GTF3C2: variants seen among roughly 807,000 people sequenced by gnomAD.
GTF3C2 encodes the protein general transcription factor 3C polypeptide 2.
In GTF3C2, 17 loss-of-function variants were observed where a neutral mutation model predicts 117.4. The observed-to-expected ratio is 0.14, with a 90% confidence interval of 0.10 to 0.22. GTF3C2 has a LOEUF of 0.22. GTF3C2 is among the 10% of genes least tolerant of loss of function. GTF3C2 has a pLI of 1.00. For synonymous variants in GTF3C2, 437 were observed against 427.0 expected, an observed-to-expected ratio of 1.02 and a Z score of -0.29; for missense variants, 888 against 1,143.6, an observed-to-expected ratio of 0.78 and a Z score of 3.22.
At chr2:27,328,250 A>C (rs1680155345) in intron 16 of GTF3C2, 61 bp from the exon 17 acceptor site, 2 of 1,390,936 alleles carry the variant, frequency 1.4e-6, no homozygotes, top group Non-Finnish European at 2.0e-6. Context: ...AAGCAGAGGA[A>C]AGTGGTTTGG....
In GTF3C2 at chr2:27,339,428, GA is replaced by G. The variant is rs796760512; in HGVS notation, c.856-1409del. Among the ~76,000 whole-genome samples the G allele has an allele frequency of 1.1e-3, 147 of 134,340 alleles. 1 individual carries two copies. Among genetic ancestry groups the G allele is most frequent in the East Asian group, 2.8e-3 (13 of 4,594 alleles). The allele number at this position is 134,340 out of a possible 152,430, so 88.1% of individuals were successfully genotyped here. On this transcript the variant is annotated intron_variant, in intron 4 of 18. Coordinates refer to ENST00000264720, the Ensembl canonical transcript of GTF3C2. Reference sequence around the variant, plus strand: ...CCGTCTCAAAAAAAAAAAAAAAAAAGAAAAAAAAAATCAGTAAAGATCCTGT... The same window carrying G: ...CCGTCTCAAAAAAAAAAAAAAAAAAGAAAAAAAAATCAGTAAAGATCCTGT...
intron 1 of GTF3C2, among the ~76,000 whole-genome samples, chr2:27,350,834 A>G (rs1458808422): frequency 6.6e-6 from 1 of 151,920 alleles, no homozygotes; most frequent in African/African-American, 2.4e-5. Context: ...CTGTAATCCC[A>G]GCTACTCGGG....
In GTF3C2 at chr2:27,326,619, A is replaced by C. The variant is rs1680080060; in HGVS notation, c.*56T>G. On this transcript the variant is annotated 3_prime_UTR_variant, in exon 19 of 19. Coordinates refer to ENST00000264720, the Ensembl canonical transcript of GTF3C2. The stretch of plus-strand genomic sequence containing the variant: ...GCCCCCAGTTCCTATGGCTCTGTGC[A>C]TAGGGGCCATTTGTTCTTGACCGAC... 6 of 1,304,062 alleles carry C rather than the reference A, an allele frequency of 4.6e-6. No homozygotes were observed. In the African/African-American group the frequency reaches 7.3e-5, roughly 16 times the overall value. 80.8% of individuals were successfully genotyped at this position (1,304,062 alleles called of 1,614,324 possible). A position where few individuals can be genotyped will look rare whatever the true frequency, so the allele number is the denominator to read the frequency against.
chr2:27,343,416 C>T (rs1413499258), exon 2 of GTF3C2: 2 of 1,613,922 alleles, frequency 1.2e-6, no homozygotes, highest in Admixed American at 3.3e-5. Flanking sequence ...TCTACGGAAG[C>T]CTCTGCACTG....
At chr2:27,328,850 G>C (rs761867433) in exon 15 of GTF3C2, 1 of 1,610,216 alleles carries the variant, frequency 6.2e-7, no homozygotes, top group African/African-American at 1.3e-5. Flanking sequence ...TCACCCAAAC[G>C]GTGCCTTTTC....
At chr2:27,328,015 C>CA in intron 17 of GTF3C2, 22 bp downstream of exon 17, 1 of 1,592,994 alleles carries the variant, frequency 6.3e-7, no homozygotes, top group Non-Finnish European at 8.6e-7. Flanking sequence ...ATACCACACC[C>CA]ATTCTCCTGG....
intron 17 of GTF3C2, 80 bp downstream of exon 17, chr2:27,327,957 A>C: frequency 8.3e-7 from 1 of 1,198,408 alleles, no homozygotes; most frequent in Non-Finnish European, 1.2e-6. Flanking sequence ...TTTGTGCTGA[A>C]CTCAGGCTTG....
chr2:27,328,423 G>T (rs1680161986), intron 16 of GTF3C2, 45 bp downstream of exon 16: 4 of 1,606,666 alleles, frequency 2.5e-6, no homozygotes, highest in Admixed American at 1.7e-5. Flanking sequence ...GGGAGGGCAT[G>T]TGGGTTAGGA....
Position 27,354,055 on chromosome 2 carries a change from TAAAA to T in GTF3C2, c.-25+2680_-25+2683del, listed in dbSNP as rs11399437. Among the ~76,000 whole-genome samples the T allele has an allele frequency of 4.3e-5, 5 of 117,162 alleles. No homozygotes were observed. The East Asian group carries it at 1.0e-3, about 24-fold the overall frequency. The allele number at this position is 117,162 out of a possible 152,430, so 76.9% of individuals were successfully genotyped here. A position where few individuals can be genotyped will look rare whatever the true frequency, so the allele number is the denominator to read the frequency against. On this transcript the variant is annotated intron_variant, in intron 1 of 18. Transcript: ENST00000264720. The stretch of plus-strand genomic sequence containing the variant: ...TATGTATAAAGACAAAGCAAAACAT[TAAAA>T]AAAAAAAAAAAAAGGGTGGGAGCCT...
chr2:27,334,731 C>G (rs1282694446), intron 10 of GTF3C2, among the ~76,000 whole-genome samples: 1 of 152,022 alleles, frequency 6.6e-6, no homozygotes, highest in Non-Finnish European at 1.5e-5. Context: ...CAGCCTCAAC[C>G]TCCTGGGCAT....
At position 27,329,150 on chromosome 2, in the gene GTF3C2, G is replaced by A. The variant is rs191702515; in HGVS notation, c.2010C>T (p.Val670=). The change falls in exon 14 of 19, where the codon GTC becomes GTT. Residue 670 remains valine (V), a synonymous_variant. Coordinates refer to ENST00000264720, the Ensembl canonical transcript of GTF3C2. This position sits in a 1 kb window ranked among gnomAD's most constrained non-coding sequence, Gnocchi z 4.5. ...CATAGCAGTTGTCCTGAGCCACAGTGACACCATTGTAGGGAAGCAGCCAGG... is the reference window on the plus strand; with the variant it reads ...CATAGCAGTTGTCCTGAGCCACAGTAACACCATTGTAGGGAAGCAGCCAGG... 1.9e-5 allele frequency: 31 copies of A among 1,614,098 alleles called. No individual in the cohort carries two copies. In the African/African-American group the frequency reaches 4.1e-4, roughly 22 times the overall value.
chr2:27,346,622 C>A (rs574496361), intron 1 of GTF3C2, among the ~76,000 whole-genome samples: 55 of 152,158 alleles, frequency 3.6e-4, no homozygotes, highest in Non-Finnish European at 6.6e-4. Flanking sequence ...ATTCTCTCAA[C>A]TTCGTCTCCC....
intron 18 of GTF3C2, 97 bp downstream of exon 18, chr2:27,327,079 GT>G: frequency 2.8e-6 from 2 of 713,372 alleles, no homozygotes; most frequent in Non-Finnish European, 4.8e-6. Context: ...GGAGGAGGAG[GT>G]TGTCATCTGT....
At position 27,329,294 on chromosome 2, in the gene GTF3C2, C is replaced by A. The variant is rs550971239; in HGVS notation, c.1878-12G>T. On this transcript the variant is annotated splice_polypyrimidine_tract_variant and intron_variant, in intron 13 of 18. Coordinates refer to ENST00000264720, the Ensembl canonical transcript of GTF3C2. The surrounding 1 kb of genome is among the most constrained non-coding windows in gnomAD (Gnocchi z 4.5). The stretch of plus-strand genomic sequence containing the variant: ...AGACAAGGAAATGGCTGTAAAAAGA[C>A]GGGAGAAGGTCAAATCCAAACAAAT... The A allele has an allele frequency of 3.7e-6, 6 of 1,614,138 alleles. No individual in the cohort carries two copies. The highest frequency in any genetic ancestry group is 5.1e-6 in the Non-Finnish European group (6 of 1,180,010).
chr2:27,336,051 G>A (rs759807405), intron 8 of GTF3C2, 23 bp from the exon 9 acceptor site: 6 of 1,528,548 alleles, frequency 3.9e-6, no homozygotes, highest in Middle Eastern at 1.7e-4. Context: ...AGCATGTGGG[G>A]ATGGTGGGTA....
Position 27,338,677 on chromosome 2 carries a change from C to T in GTF3C2, c.856-657G>A, listed in dbSNP as rs181199274. On this transcript the variant is annotated intron_variant, in intron 4 of 18. Coordinates refer to ENST00000264720, the Ensembl canonical transcript of GTF3C2. ...TCTGCCTCCTGAGTAGCTGGGACTA[C>T]AGGCACACCCCACTACACCTGGCTA... Among the ~76,000 whole-genome samples, 72 of 152,214 alleles carry T rather than the reference C, an allele frequency of 4.7e-4. No individual in the cohort carries two copies. The East Asian group carries it at 0.013, about 28-fold the overall frequency.
chr2:27,327,977 CA>C, intron 17 of GTF3C2, 59 bp downstream of exon 17: 1 of 1,454,122 alleles, frequency 6.9e-7, no homozygotes, highest in Admixed American at 2.0e-5. Context: ...GCGTACTATA[CA>C]AAGACTAAAG....
At chr2:27,356,391 G>A in intron 1 of GTF3C2, 1 of 269,608 alleles carries the variant, frequency 3.7e-6, no homozygotes, top group South Asian at 3.6e-5. Context: ...CTGTGCGGGA[G>A]AGGAGCCCTG....
intron 1 of GTF3C2, chr2:27,350,598 A>G: frequency 1.5e-6 from 1 of 677,562 alleles, no homozygotes; most frequent in Non-Finnish European, 1.8e-6. Context: ...CCAGGAGTTC[A>G]AGATCAGCCT....
Sources: allele counts gnomAD v4.1 joint callset (sites outside exome capture counted in the v4.1 genomes callset), GRCh38; gene constraint gnomAD v4.1.1; non-coding constraint Gnocchi (gnomAD v3.1); transcripts MANE v1.5; gene names NCBI Gene and HGNC (gene_info 2026-07-23, HGNC 2026-07-21).